The following KIF1B variants were observed in gnomAD, a reference collection of about 807,000 sequenced individuals.
KIF1B encodes the protein kinesin family member 1B.
Under a neutral mutation model 241.9 loss-of-function variants are expected in KIF1B, and 76 were observed. The ratio of observed to expected loss-of-function variants is 0.31; its 90% CI spans 0.26 to 0.38. The LOEUF (loss-of-function observed/expected upper bound fraction) is 0.38, where lower values mean the gene tolerates loss of function less well. KIF1B is among the 10% of genes least tolerant of loss of function. The pLI, the probability that KIF1B is intolerant of heterozygous loss-of-function variation, is 1.00. For synonymous variants in KIF1B, 750 were observed against 796.7 expected (o/e 0.94, Z 0.99); for missense variants, 1,622 against 2,271.4 (o/e 0.71, Z 5.81).
rs1230023919 is a variant in KIF1B, at chr1:10,310,338, G to A, written c.2116-9705G>A. ...ATTCCCAGGTGATTCTGATGCTGCTGGTCCAGTAAACACCTTTGATAACCA... is the reference window on the plus strand; with the variant it reads ...ATTCCCAGGTGATTCTGATGCTGCTAGTCCAGTAAACACCTTTGATAACCA... On this transcript the variant is annotated intron_variant, in intron 22 of 48. Transcript: ENST00000676179. 2.0e-5 allele frequency among the ~76,000 whole-genome samples: 3 copies of A among 151,510 alleles called. 1 individual carries two copies. Among genetic ancestry groups the A allele is most frequent in the African/African-American group, 7.3e-5 (3 of 40,818 alleles).
At chr1:10,289,580 T>A (rs1375288571) in intron 15 of KIF1B, among the ~76,000 whole-genome samples, 1 of 152,176 alleles carries the variant, frequency 6.6e-6, no homozygotes, top group Non-Finnish European at 1.5e-5. Context: ...GTGTACTTAT[T>A]GATTAAAATG....
rs576497407 is a variant in KIF1B, at chr1:10,213,901, CT to C, written c.-80+3024del. ...TCTGTAATCCCAGTGCTTTGGGAGG[CT>C]GAGGCGGGAGGATTGCTTCACATCA... On this transcript the variant is annotated intron_variant, in intron 1 of 48. Coordinates refer to ENST00000676179, the MANE Select transcript of KIF1B (RefSeq NM_001365951.3). 7.2e-4 allele frequency among the ~76,000 whole-genome samples: 110 copies of C among 151,920 alleles called. 5 individuals carry two copies. In the South Asian group the frequency reaches 0.022, roughly 30 times the overall value.
At chr1:10,274,855 T>C in intron 10 of KIF1B, 1 of 309,348 alleles carries the variant, frequency 3.2e-6, no homozygotes, top group African/African-American at 2.3e-5. Context: ...TTGGTAAGTG[T>C]GATAATGGTC....
chr1:10,285,389 GACTCTTCAAGAT>G (rs1381047992), intron 15 of KIF1B, among the ~76,000 whole-genome samples: 1 of 152,158 alleles, frequency 6.6e-6, no homozygotes, highest in East Asian at 1.9e-4. Context: ...ACATTAACCA[GACTCTTCAAGAT>G]TCAGGTAACC....
chr1:10,295,046 G>C (rs1650194008), intron 17 of KIF1B, 40 bp from the exon 18 acceptor site: 1 of 1,332,092 alleles, frequency 7.5e-7, no homozygotes, highest in Non-Finnish European at 1.1e-6. Context: ...GCTCTCTCAT[G>C]GTGCCCTGCT....
chr1:10,370,864 G>A (rs1638713247), intron 44 of KIF1B, among the ~76,000 whole-genome samples: 1 of 152,052 alleles, frequency 6.6e-6, no homozygotes, highest in Non-Finnish European at 1.5e-5. Flanking sequence ...AGGAAGCCAG[G>A]GCACAGGAGG....
At chr1:10,364,788 C>T (rs867457795) in intron 41 of KIF1B, among the ~76,000 whole-genome samples, 8 of 151,606 alleles carry the variant, frequency 5.3e-5, no homozygotes, top group African/African-American at 1.2e-4. Context: ...AGGTGGATCA[C>T]GAGGTCAGGA....
chr1:10,267,611 T>C, intron 6 of KIF1B, 53 bp downstream of exon 6: 2 of 1,556,620 alleles, frequency 1.3e-6, no homozygotes, highest in Non-Finnish European at 8.9e-7. Flanking sequence ...TTTGAGGTCC[T>C]TTTTTCCCAG....
chr1:10,319,532 G>C (rs1291860175), intron 22 of KIF1B, among the ~76,000 whole-genome samples: 1 of 152,092 alleles, frequency 6.6e-6, no homozygotes, highest in Non-Finnish European at 1.5e-5. Flanking sequence ...TCATCCTACT[G>C]ATCAAAGATA....
At chr1:10,252,332 G>A (rs1348430038) in intron 2 of KIF1B, among the ~76,000 whole-genome samples, 2 of 151,914 alleles carry the variant, frequency 1.3e-5, no homozygotes, top group African/African-American at 4.8e-5. Flanking sequence ...GAGTGACCGT[G>A]CCCAGCCATC....
At chr1:10,251,924 G>T (rs1647472894) in intron 2 of KIF1B, among the ~76,000 whole-genome samples, 1 of 152,092 alleles carries the variant, frequency 6.6e-6, no homozygotes. Flanking sequence ...CCGAAACCTA[G>T]AATCTGACTC....
rs185075169 is a variant in KIF1B, at chr1:10,250,160, T to C, written c.107-6087T>C. Among the ~76,000 whole-genome samples, 29 of 152,216 alleles carry C rather than the reference T, an allele frequency of 1.9e-4. No homozygotes were observed. In the East Asian group the frequency reaches 5.4e-3, roughly 28 times the overall value. ...TTAAAGATCAAATGGAATATTATCATACCTACTGAATATTGAGAGTTTAAA... is the reference window on the plus strand; with the variant it reads ...TTAAAGATCAAATGGAATATTATCACACCTACTGAATATTGAGAGTTTAAA... On this transcript the variant is annotated intron_variant, in intron 2 of 48. Transcript: ENST00000676179.
intron 15 of KIF1B, among the ~76,000 whole-genome samples, chr1:10,283,990 AG>A (rs1649561882): frequency 6.6e-6 from 1 of 152,382 alleles, no homozygotes; most frequent in East Asian, 1.9e-4. Context: ...TTTTCATGTG[AG>A]GCTGAAAAAG....
Position 10,295,012 on chromosome 1 carries a change from T to C in KIF1B, c.1591-74T>C. On this transcript the variant is annotated intron_variant, in intron 17 of 48. Transcript: ENST00000676179. ...TGGAGAGTTGGAGAAGCCTGGCCTC[T>C]TGTAGGCCCCTGTTGTTACCACAGC... is the stretch of plus-strand genomic sequence containing the variant. 3 of 962,148 alleles carry C rather than the reference T, an allele frequency of 3.1e-6. No homozygotes were observed. The East Asian group carries it at 7.2e-5, about 23-fold the overall frequency. 59.6% of individuals were successfully genotyped at this position (962,148 alleles called of 1,614,324 possible). A position where few individuals can be genotyped will look rare whatever the true frequency, so the allele number is the denominator to read the frequency against.
At chr1:10,343,317 G>T (rs1652468548) in intron 34 of KIF1B, 30 bp downstream of exon 34, 2 of 1,607,048 alleles carry the variant, frequency 1.2e-6, no homozygotes, top group Non-Finnish European at 1.7e-6. Context: ...TTTGCATGAT[G>T]ATCTCTTTGT....
chr1:10,267,458 G>C lies in KIF1B; in HGVS notation c.508G>C (p.Glu170Gln). 6.2e-7 allele frequency: 1 copy of C among 1,614,200 alleles called. No individual in the cohort carries two copies. The highest frequency in any genetic ancestry group is 1.3e-5 in the African/African-American group (1 of 75,056). Residue 170 changes from glutamate (E) to glutamine (Q), a missense_variant, in exon 6 of 49, where the codon GAA becomes CAA. Glu to Gln is a conservative substitution (Grantham distance 29). This residue lies in a region of KIF1B where 156 missense variants were observed against 244.8 expected (regional missense o/e 0.64). Coordinates refer to ENST00000676179, the MANE Select transcript of KIF1B (RefSeq NM_001365951.3). The stretch of plus-strand genomic sequence containing the variant: ...AAACAAGGGTAATTTGCGTGTGCGT[G>C]AACACCCACTTCTTGGACCCTATGT... ...PKNKGNLRVR[E>Q]HPLLGPYVED...
chr1:10,334,163 A>AG (rs1463035494), intron 27 of KIF1B, among the ~76,000 whole-genome samples: 2 of 151,652 alleles, frequency 1.3e-5, no homozygotes, highest in East Asian at 3.9e-4. Context: ...AAAAAAAAAA[A>AG]AAAAAAGGTT....
At chr1:10,364,363 C>T (rs923414258) in intron 41 of KIF1B, among the ~76,000 whole-genome samples, 4 of 151,906 alleles carry the variant, frequency 2.6e-5, no homozygotes. Flanking sequence ...CACCACCATG[C>T]CCAGCTAATT....
intron 10 of KIF1B, among the ~76,000 whole-genome samples, chr1:10,273,694 T>C (rs1310997618): frequency 1.0e-5 from 1 of 96,692 alleles, no homozygotes; most frequent in Non-Finnish European, 1.9e-5. Flanking sequence ...GCCTACTCCC[T>C]TTCCTCCTCC....
Sources: gnomAD v4.1 joint callset for allele counts (sites outside exome capture counted in the v4.1 genomes callset) on GRCh38, gnomAD v4.1.1 for gene constraint, gnomAD v4.1.1 regional missense constraint, MANE v1.5 for transcripts, NCBI Gene and HGNC (gene_info 2026-07-23, HGNC 2026-07-21) for gene names.